The following BRCA2 variants were observed in gnomAD, a reference collection of about 807,000 sequenced individuals.
BRCA2 encodes the protein breast cancer type 2 susceptibility protein.
BRCA2 carries 203 observed loss-of-function variants against 276.7 expected under a neutral mutation model. That is an observed-to-expected ratio of 0.73 (90% CI 0.65 to 0.82). The LOEUF is 0.82. Ranked by LOEUF, BRCA2 falls within the 40% of genes least tolerant of loss-of-function variation. BRCA2 has a pLI of 0.00. For missense variants in BRCA2, 3,920 were observed against 3,915.0 expected (o/e 1.00, Z -0.03); for synonymous variants, 1,289 against 1,338.4 (o/e 0.96, Z 0.81).
At position 32,354,830 on chromosome 13, in the gene BRCA2, A is replaced by C; in HGVS notation, c.7008-31A>C. ...CTAAATATTTATATGTGTACTAGTC[A>C]ATAAACTTATATATTTTCTCCCCAT... On this transcript the variant is annotated intron_variant, in intron 13 of 26. Coordinates refer to ENST00000380152, the MANE Select transcript of BRCA2 (RefSeq NM_000059.4). The C allele has an allele frequency of 2.1e-6, 3 of 1,412,522 alleles. No individual in the cohort carries two copies. In the South Asian group the frequency reaches 3.5e-5, roughly 16 times the overall value. The allele number at this position is 1,412,522 out of a possible 1,614,324, so 87.5% of individuals were successfully genotyped here. A position where few individuals can be genotyped will look rare whatever the true frequency, so the allele number is the denominator to read the frequency against.
At chr13:32,383,097 A>C (rs1355320839) in intron 24 of BRCA2, among the ~76,000 whole-genome samples, 4 of 95,996 alleles carry the variant, frequency 4.2e-5, no homozygotes, top group South Asian at 3.3e-4. Flanking sequence ...CGCGGTGGCT[A>C]ACGCCTGTAA....
intron 3 of BRCA2, among the ~76,000 whole-genome samples, chr13:32,322,477 G>GTTTATT (rs1555280649): frequency 1.8e-4 from 28 of 152,326 alleles, no homozygotes; most frequent in Non-Finnish European, 2.4e-4. Context: ...GGGCTGGGCC[G>GTTTATT]AAGTAAAGGG....
At chr13:32,375,089 A>G (rs1163577921) in intron 20 of BRCA2, among the ~76,000 whole-genome samples, 1 of 152,212 alleles carries the variant, frequency 6.6e-6, no homozygotes, top group Admixed American at 6.5e-5. Context: ...AAGCCATCAG[A>G]TCTTGTGAGA....
chr13:32,352,704 G>C (rs893596845), intron 13 of BRCA2, among the ~76,000 whole-genome samples: 1 of 152,166 alleles, frequency 6.6e-6, no homozygotes. Flanking sequence ...TTGAAACCTA[G>C]GTAGGTGATA....
At position 32,319,102 on chromosome 13, in the gene BRCA2, G is replaced by C. The variant is rs80359214; in HGVS notation, c.93G>C (p.Trp31Cys). ...ATTTAGGACCAATAAGTCTTAATTGGTTTGAAGAACTTTCTTCAGAAGCTC... is the reference window on the plus strand; with the variant it reads ...ATTTAGGACCAATAAGTCTTAATTGCTTTGAAGAACTTTCTTCAGAAGCTC... ...KADLGPISLNWFEELSSEAPP... is the reference protein window; with the variant it reads ...KADLGPISLNCFEELSSEAPP... Residue 31 changes from tryptophan (W) to cysteine (C), a missense_variant, in exon 3 of 27, where the codon TGG becomes TGC. Physicochemically the swap from Trp to Cys is radical, Grantham distance 215. Coordinates refer to ENST00000380152, the MANE Select transcript of BRCA2 (RefSeq NM_000059.4). 6.2e-7 allele frequency: 1 copy of C among 1,612,682 alleles called. No individual in the cohort carries two copies. Among genetic ancestry groups the C allele is most frequent in the South Asian group, 1.1e-5 (1 of 91,034 alleles).
At position 32,340,043 on chromosome 13, in the gene BRCA2, A is replaced by G. The variant is rs768907899; in HGVS notation, c.5688A>G (p.Ala1896=). Reference sequence around the variant, plus strand: ...AAATTATGGCAGGTTGTTACGAGGCATTGGATGATTCAGAGGATATTCTTC... The same window carrying G: ...AAATTATGGCAGGTTGTTACGAGGCGTTGGATGATTCAGAGGATATTCTTC... The part of the protein sequence containing the change: ...QTKIMAGCYE[A]LDDSEDILHN... Residue 1896 remains alanine (A), a synonymous_variant, in exon 11 of 27, where the codon GCA becomes GCG. Coordinates refer to ENST00000380152, the MANE Select transcript of BRCA2 (RefSeq NM_000059.4). 28 of 1,613,590 alleles carry G rather than the reference A, an allele frequency of 1.7e-5. No homozygotes were observed. Among genetic ancestry groups the G allele is most frequent in the Non-Finnish European group, 2.3e-5 (27 of 1,179,826 alleles).
chr13:32,362,115 T>C (rs2072740903), intron 16 of BRCA2, among the ~76,000 whole-genome samples: 1 of 152,104 alleles, frequency 6.6e-6, no homozygotes, highest in African/African-American at 2.4e-5. Flanking sequence ...CTCAACCTCC[T>C]GGGCTCAAGC....
chr13:32,326,346 C>A (rs2137451090), intron 6 of BRCA2, 64 bp downstream of exon 6: 1 of 1,553,092 alleles, frequency 6.4e-7, no homozygotes. Flanking sequence ...TAGCGTTATA[C>A]CTTTGCCCTG....
In BRCA2 at chr13:32,363,329, T is replaced by C. The variant is rs1555287006; in HGVS notation, c.8127T>C (p.Ser2709=). The C allele has an allele frequency of 2.5e-6, 4 of 1,614,178 alleles. No individual in the cohort carries two copies. Among genetic ancestry groups the C allele is most frequent in the Non-Finnish European group, 3.4e-6 (4 of 1,180,016 alleles). Residue 2709 remains serine, a synonymous_variant, in exon 18 of 27, where the codon AGT becomes AGC. Coordinates refer to ENST00000380152, the MANE Select transcript of BRCA2 (RefSeq NM_000059.4). ...CTGAAACTTCTAGCAATAAAACTAGTAGTGCAGATACCCAAAAAGTGGCCA... is the reference window on the plus strand; with the variant it reads ...CTGAAACTTCTAGCAATAAAACTAGCAGTGCAGATACCCAAAAAGTGGCCA... ...NISETSSNKT[S]SADTQKVAII... is the part of the protein sequence containing the mutation.
At chr13:32,356,136 G>A (rs866226809) in intron 14 of BRCA2, among the ~76,000 whole-genome samples, 6 of 150,714 alleles carry the variant, frequency 4.0e-5, no homozygotes, top group Non-Finnish European at 3.0e-5. Flanking sequence ...TCCTCCTCCC[G>A]AGTTCAAGTG....
intron 7 of BRCA2, among the ~76,000 whole-genome samples, chr13:32,328,095 T>C (rs1041976797): frequency 1.3e-5 from 2 of 152,192 alleles, no homozygotes; most frequent in South Asian, 2.1e-4. Context: ...TAAAGAAATG[T>C]CTGTACATAA....
chr13:32,325,430 G>A (rs11571613), intron 4 of BRCA2, among the ~76,000 whole-genome samples: 2 of 151,830 alleles, frequency 1.3e-5, no homozygotes, highest in Non-Finnish European at 2.9e-5. Context: ...GATTTTTTAA[G>A]TAACAAAAAT....
In BRCA2 at chr13:32,339,425, A is replaced by C. The variant is rs56087561; in HGVS notation, c.5070A>C (p.Lys1690Asn). The C allele has an allele frequency of 1.9e-4, 306 of 1,593,180 alleles. No individual in the cohort carries two copies. Among genetic ancestry groups the C allele is most frequent in the Non-Finnish European group, 2.1e-4 (242 of 1,171,144 alleles). Residue 1690 changes from lysine to asparagine, a missense_variant, in exon 11 of 27, where the codon AAA (lysine) becomes AAC (asparagine). By Grantham distance (94) the Lys-to-Asn change is moderately conservative (BLOSUM62 0). Around this residue, in one of 2 missense-constraint regions of BRCA2, gnomAD observed 3,263 missense variants for 3,156.9 expected, o/e 1.03. Coordinates refer to ENST00000380152, the MANE Select transcript of BRCA2 (RefSeq NM_000059.4). ...GTCAGACTTCATTACTTGAAGCAAA[A>C]AAATGGCTTAGAGAAGGAATATTTG... is the stretch of plus-strand genomic sequence containing the variant. Reference protein sequence around the residue: ...SVSQTSLLEAKKWLREGIFDG... With the variant: ...SVSQTSLLEANKWLREGIFDG...
chr13:32,376,153 C>T (rs1421837730), intron 20 of BRCA2, among the ~76,000 whole-genome samples: 1 of 151,634 alleles, frequency 6.6e-6, no homozygotes, highest in East Asian at 1.9e-4. Flanking sequence ...TGTTAACTCA[C>T]ATATTACTGT....
At chr13:32,379,583 AT>A in intron 22 of BRCA2, 68 bp downstream of exon 22, 5 of 1,563,756 alleles carry the variant, frequency 3.2e-6, no homozygotes, top group Non-Finnish European at 4.4e-6. Context: ...TAACAAAATG[AT>A]TATAAATCCA....
chr13:32,355,637 G>A lies in BRCA2; in HGVS notation c.7435+349G>A, dbSNP rs189007114. ...AGAACTTTGGGAGACTAAGGCGGGC[G>A]GATCACCTGAGGTCAGGAGTTCAAG... On this transcript the variant is annotated intron_variant, in intron 14 of 26. Transcript: ENST00000380152. Among the ~76,000 whole-genome samples, 455 of 152,182 alleles carry A rather than the reference G, an allele frequency of 3.0e-3. 1 individual carries two copies. In the Middle Eastern group the frequency reaches 0.065, roughly 22 times the overall value.
intron 13 of BRCA2, among the ~76,000 whole-genome samples, chr13:32,351,935 G>A (rs990581068): frequency 3.3e-5 from 5 of 152,082 alleles, no homozygotes; most frequent in Non-Finnish European, 5.9e-5. Context: ...CCAAGTAGCC[G>A]GGATTACAGG....
chr13:32,376,912 G>A (rs2072877846), intron 21 of BRCA2, 121 bp downstream of exon 21: 1 of 1,411,390 alleles, frequency 7.1e-7, no homozygotes. Context: ...CAAAAGGGAT[G>A]TGTACATTTC....
At chr13:32,331,372 C>T (rs1450747638) in intron 9 of BRCA2, among the ~76,000 whole-genome samples, 1 of 152,170 alleles carries the variant, frequency 6.6e-6, no homozygotes, top group Non-Finnish European at 1.5e-5. Flanking sequence ...TATTACCTTT[C>T]CTTTCTTGAC....
Sources: allele counts gnomAD v4.1 joint callset (sites outside exome capture counted in the v4.1 genomes callset), GRCh38; gene constraint gnomAD v4.1.1; regional missense constraint gnomAD v4.1.1; transcripts MANE v1.5; gene names NCBI Gene and HGNC (gene_info 2026-07-23, HGNC 2026-07-21).